Variants in DLGAP1 observed in about 807,000 individuals in gnomAD.
The protein encoded by DLGAP1 is DLG associated protein 1.
A neutral mutation model predicts 90.8 loss-of-function variants in DLGAP1; 11 were observed. The ratio of observed to expected loss-of-function variants is 0.12; its 90% CI spans 0.08 to 0.20. The LOEUF is 0.20. Ranked by LOEUF, DLGAP1 falls within the 10% of genes least tolerant of loss-of-function variation. The pLI is 1.00. For synonymous variants in DLGAP1, 558 were observed against 540.7 expected, an observed-to-expected ratio of 1.03 and a Z score of -0.44; for missense variants, 1,050 against 1,333.8, an observed-to-expected ratio of 0.79 and a Z score of 3.31.
rs776121093 is a variant in DLGAP1 at position 3,610,658 on chromosome 18, A to G, written c.1592-28410T>C. 1.8e-4 allele frequency among the ~76,000 whole-genome samples: 28 copies of G among 151,984 alleles called. No individual in the cohort carries two copies. The South Asian group carries it at 5.2e-3, about 28-fold the overall frequency. The stretch of plus-strand genomic sequence containing the variant: ...AAGACCAGCCTGGCAAGCATGGCAA[A>G]ATGCTGTCTACTAAAAATACAAAAA... On this transcript the variant is annotated intron_variant, in intron 7 of 12. Coordinates refer to ENST00000315677, the MANE Select transcript of DLGAP1 (RefSeq NM_004746.4).
At chr18:4,325,997 C>T (rs1021143766) in intron 1 of DLGAP1, among the ~76,000 whole-genome samples, 53 of 151,936 alleles carry the variant, frequency 3.5e-4, no homozygotes, top group African/African-American at 1.3e-3. Context: ...GCAACAAAAA[C>T]AAAAATTGAT....
intron 5 of DLGAP1, among the ~76,000 whole-genome samples, chr18:3,761,671 G>T (rs1471994548): frequency 6.6e-6 from 1 of 151,840 alleles, no homozygotes; most frequent in Non-Finnish European, 1.5e-5. Context: ...TGCCTCCCAG[G>T]TTCAAGCTAT....
rs115708560 is a variant in DLGAP1 at position 3,792,705 on chromosome 18, G to A, written c.1172+21354C>T. ...ATCTGCGGCCACACCTCACCATACA[G>A]GCCAGCTTCTTTGGGCACCTGTGTC... On this transcript the variant is annotated intron_variant, in intron 5 of 12. Coordinates refer to ENST00000315677, the MANE Select transcript of DLGAP1 (RefSeq NM_004746.4). Among the ~76,000 whole-genome samples, 828 of 152,254 alleles carry A rather than the reference G, an allele frequency of 5.4e-3. 11 individuals are homozygous for A. Among genetic ancestry groups the A allele is most frequent in the African/African-American group, 0.018 (755 of 41,540 alleles).
At chr18:4,321,564 A>G (rs978383168) in intron 1 of DLGAP1, among the ~76,000 whole-genome samples, 4 of 152,230 alleles carry the variant, frequency 2.6e-5, no homozygotes, top group Non-Finnish European at 5.9e-5. Context: ...AACTATACAG[A>G]CAGCAATGAT....
At chr18:4,439,717 G>A (rs951484846) in intron 1 of DLGAP1, among the ~76,000 whole-genome samples, 1 of 152,156 alleles carries the variant, frequency 6.6e-6, no homozygotes, top group Admixed American at 6.5e-5. Flanking sequence ...GGCTGAGGCA[G>A]GAGGACTGCT....
chr18:3,544,008 A>G (rs1039778938), intron 9 of DLGAP1, among the ~76,000 whole-genome samples: 2 of 146,906 alleles, frequency 1.4e-5, no homozygotes, highest in Non-Finnish European at 3.0e-5. Context: ...CAAACAAACA[A>G]AAACATAGCC....
intron 5 of DLGAP1, among the ~76,000 whole-genome samples, chr18:3,747,388 G>A (rs1316174175): frequency 1.3e-5 from 2 of 152,046 alleles, no homozygotes; most frequent in Non-Finnish European, 2.9e-5. Flanking sequence ...TGAAAAATTC[G>A]TTTTCCTTTT....
chr18:3,567,710 A>G (rs1230521991), intron 8 of DLGAP1, 129 bp from the exon 9 acceptor site: 1 of 803,170 alleles, frequency 1.2e-6, no homozygotes, highest in African/African-American at 1.7e-5. Context: ...CTCCTTGTTC[A>G]ATATTTGTGT....
chr18:3,757,263 C>T (rs1329481995), intron 5 of DLGAP1, among the ~76,000 whole-genome samples: 1 of 152,086 alleles, frequency 6.6e-6, no homozygotes, highest in Non-Finnish European at 1.5e-5. Context: ...CAAAAATTAG[C>T]CTGGTGTGGT....
chr18:4,227,677 C>G (rs566138575), intron 1 of DLGAP1, among the ~76,000 whole-genome samples: 5 of 150,638 alleles, frequency 3.3e-5, no homozygotes, highest in African/African-American at 1.2e-4. Flanking sequence ...ATATACAAAA[C>G]CTATGGGATA....
intron 1 of DLGAP1, among the ~76,000 whole-genome samples, chr18:4,347,232 AG>A (rs1252312512): frequency 6.6e-6 from 1 of 152,110 alleles, no homozygotes; most frequent in African/African-American, 2.4e-5. Flanking sequence ...AAAAACAACC[AG>A]GCCCAGATAG....
intron 7 of DLGAP1, among the ~76,000 whole-genome samples, chr18:3,658,506 A>G (rs1466271882): frequency 6.6e-6 from 1 of 152,216 alleles, no homozygotes; most frequent in Non-Finnish European, 1.5e-5. Flanking sequence ...AATGGAAGTA[A>G]ACTTAGGATT....
chr18:4,113,512 G>T (rs1418233653), intron 2 of DLGAP1, among the ~76,000 whole-genome samples: 1 of 151,808 alleles, frequency 6.6e-6, no homozygotes, highest in Non-Finnish European at 1.5e-5. Context: ...TAGATTCTGG[G>T]TATTAGACCT....
intron 4 of DLGAP1, among the ~76,000 whole-genome samples, chr18:3,821,288 C>CAAAAAAAAAAAAAAAAAAAAA (rs56279066): frequency 1.4e-5 from 1 of 72,718 alleles, no homozygotes; most frequent in Non-Finnish European, 2.6e-5. Flanking sequence ...GACTCTGTGT[C>CAAAAAAAAAAAAAAAAAAAAA]AAAAAAAAAA....
intron 5 of DLGAP1, among the ~76,000 whole-genome samples, chr18:3,794,834 T>C (rs1281080284): frequency 1.3e-5 from 2 of 152,218 alleles, no homozygotes; most frequent in African/African-American, 4.8e-5. Context: ...CTGGCTAATC[T>C]GATAACATAT....
chr18:4,215,713 C>A (rs974189234), intron 1 of DLGAP1, among the ~76,000 whole-genome samples: 1 of 152,020 alleles, frequency 6.6e-6, no homozygotes, highest in Non-Finnish European at 1.5e-5. Flanking sequence ...AGGATATTGG[C>A]AGATTTTTAA....
rs2073468212 is a variant in DLGAP1, at chr18:3,972,324, C to A, written c.-73+32792G>T. On this transcript the variant is annotated intron_variant, in intron 3 of 12. Transcript: ENST00000315677. ...GCCCGGAGTTCGAGACCAGCCTGGGCAACATGGCAAAATTCCGTCTCTATT... is the reference window on the plus strand; with the variant it reads ...GCCCGGAGTTCGAGACCAGCCTGGGAAACATGGCAAAATTCCGTCTCTATT... Among the ~76,000 whole-genome samples, 12 of 152,128 alleles carry A rather than the reference C, an allele frequency of 7.9e-5. 2 individuals carry two copies. In the South Asian group the frequency reaches 2.5e-3, roughly 32 times the overall value.
intron 3 of DLGAP1, among the ~76,000 whole-genome samples, chr18:3,954,055 T>C (rs914716917): frequency 6.6e-6 from 1 of 152,212 alleles, no homozygotes; most frequent in African/African-American, 2.4e-5. Flanking sequence ...TTGCTTTTAA[T>C]ATTAGGTAAA....
At chr18:4,255,264 T>C (rs765856502) in intron 1 of DLGAP1, among the ~76,000 whole-genome samples, 7 of 152,190 alleles carry the variant, frequency 4.6e-5, no homozygotes, top group Non-Finnish European at 8.8e-5. Flanking sequence ...CAAATGAATA[T>C]GAAAACTCAT....
Sources: allele counts gnomAD v4.1 joint callset (sites outside exome capture counted in the v4.1 genomes callset), GRCh38; gene constraint gnomAD v4.1.1; transcripts MANE v1.5; gene names NCBI Gene and HGNC (gene_info 2026-07-23, HGNC 2026-07-21).